Variants in TOP1 observed in about 807,000 individuals in gnomAD.
TOP1 encodes the protein DNA topoisomerase I, also known as DNA topoisomerase 1.
Under a neutral mutation model 111.1 loss-of-function variants are expected in TOP1, and 10 were observed. The observed-to-expected ratio is 0.09, with a 90% CI of 0.06 to 0.15. TOP1 has a LOEUF of 0.15. Ranked by LOEUF, TOP1 falls within the 10% of genes least tolerant of loss-of-function variation. TOP1 has a pLI of 1.00. For missense variants in TOP1, 474 were observed against 926.7 expected (o/e 0.51, Z 6.34); for synonymous variants, 271 against 302.9 (o/e 0.89, Z 1.10).
Position 41,118,439 on chromosome 20 carries a change from A to G in TOP1, c.1950+143A>G. The G allele has an allele frequency of 1.1e-6, 1 of 918,946 alleles. No individual in the cohort carries two copies. Among genetic ancestry groups the G allele is most frequent in the Non-Finnish European group, 1.6e-6 (1 of 608,008 alleles). The allele number at this position is 918,946 out of a possible 1,614,324, so 56.9% of individuals were successfully genotyped here. Reference sequence around the variant, plus strand: ...CTAAAGATAAACAAATGGAAATATGATAGTAGTTAATCTCTGATCAAGATA... The same window carrying G: ...CTAAAGATAAACAAATGGAAATATGGTAGTAGTTAATCTCTGATCAAGATA... On this transcript the variant is annotated intron_variant, in intron 18 of 20. Transcript: ENST00000361337. The surrounding 1 kb of genome is among the most constrained non-coding windows in gnomAD (Gnocchi z 4.6).
Position 41,069,195 on chromosome 20 carries a change from C to A in TOP1, c.156-6976C>A, listed in dbSNP as rs143042917. Among the ~76,000 whole-genome samples, 1 of 152,164 alleles carries A rather than the reference C, an allele frequency of 6.6e-6. No homozygotes were observed. Among genetic ancestry groups the A allele is most frequent in the Non-Finnish European group, 1.5e-5 (1 of 68,038 alleles). ...ATTTTAGGAATATGCACTTGAATTA[C>A]GCATCTAGTTCTCAGATTAGGGGAG... is the stretch of plus-strand genomic sequence containing the variant. On this transcript the variant is annotated intron_variant, in intron 3 of 20. Transcript: ENST00000361337. The surrounding 1 kb of genome is among the most constrained non-coding windows in gnomAD (Gnocchi z 4.1).
Position 41,046,393 on chromosome 20 carries a change from A to T in TOP1, c.59-15001A>T, listed in dbSNP as rs1176526039. Among the ~76,000 whole-genome samples the T allele has an allele frequency of 1.3e-5, 2 of 152,224 alleles. No homozygotes were observed. The highest frequency in any genetic ancestry group is 4.8e-5 in the African/African-American group (2 of 41,466). ...CACAGCCTGAGTTCTTAGTTGTGAT[A>T]CAAAACAAGGTAAAGGGGGACCTGG... On this transcript the variant is annotated intron_variant, in intron 2 of 20. Transcript: ENST00000361337. The surrounding 1 kb of genome is among the most constrained non-coding windows in gnomAD (Gnocchi z 4.3).
intron 2 of TOP1, among the ~76,000 whole-genome samples, chr20:41,056,756 G>A (rs2033477073): frequency 6.6e-6 from 1 of 152,136 alleles, no homozygotes; most frequent in Non-Finnish European, 1.5e-5. Context: ...TGTTGGGATT[G>A]TAAACATGAG....
At chr20:41,068,269 T>A (rs1600570247) in intron 3 of TOP1, among the ~76,000 whole-genome samples, 1 of 152,310 alleles carries the variant, frequency 6.6e-6, no homozygotes, top group South Asian at 2.1e-4. Context: ...CTATGAAAAC[T>A]TCATCTCTGT....
chr20:41,078,720 G>A lies in TOP1; in HGVS notation c.335+1083G>A, dbSNP rs1250084746. Among the ~76,000 whole-genome samples the A allele has an allele frequency of 1.3e-5, 2 of 152,166 alleles. No homozygotes were observed. Among genetic ancestry groups the A allele is most frequent in the African/African-American group, 4.8e-5 (2 of 41,436 alleles). On this transcript the variant is annotated intron_variant, in intron 5 of 20. Coordinates refer to ENST00000361337, the MANE Select transcript of TOP1 (RefSeq NM_003286.4). The surrounding 1 kb of genome is among the most constrained non-coding windows in gnomAD (Gnocchi z 5.3). ...GATATGAATAAATTTTTTGGACTTG[G>A]TGCATAGTCATGAATTCATTTTCAG...
At position 41,034,241 on chromosome 20, in the gene TOP1, T is replaced by C. The variant is rs764423257; in HGVS notation, c.58+4786T>C. On this transcript the variant is annotated intron_variant, in intron 2 of 20. Transcript: ENST00000361337. The surrounding 1 kb of genome is among the most constrained non-coding windows in gnomAD (Gnocchi z 4.0). ...GTGTTTAAAGGAAGCTTTCAGATTG[T>C]GTTTAAACTTCGAGTAGTAATATTT... Among the ~76,000 whole-genome samples the C allele has an allele frequency of 2.2e-4, 33 of 152,242 alleles. No homozygotes were observed. The highest frequency in any genetic ancestry group is 3.8e-4 in the Non-Finnish European group (26 of 68,046).
Position 41,069,687 on chromosome 20 carries a change from A to C in TOP1, c.156-6484A>C, listed in dbSNP as rs1269209902. Among the ~76,000 whole-genome samples, 1 of 152,230 alleles carries C rather than the reference A, an allele frequency of 6.6e-6. No homozygotes were observed. The highest frequency in any genetic ancestry group is 1.5e-5 in the Non-Finnish European group (1 of 68,034). On this transcript the variant is annotated intron_variant, in intron 3 of 20. Coordinates refer to ENST00000361337, the MANE Select transcript of TOP1 (RefSeq NM_003286.4). The surrounding 1 kb of genome is among the most constrained non-coding windows in gnomAD (Gnocchi z 4.1). Reference sequence around the variant, plus strand: ...AAGCCTAGTATAATATCATGCAGATAAATTGGAGCTCTTGAGTTTGGTAGT... The same window carrying C: ...AAGCCTAGTATAATATCATGCAGATCAATTGGAGCTCTTGAGTTTGGTAGT...
intron 8 of TOP1, among the ~76,000 whole-genome samples, chr20:41,085,957 A>G (rs753489814): frequency 1.3e-5 from 2 of 152,172 alleles, no homozygotes; most frequent in Non-Finnish European, 2.9e-5. Context: ...GCCTCTTTCT[A>G]GAGGTCAGAG....
intron 2 of TOP1, among the ~76,000 whole-genome samples, chr20:41,060,916 T>G (rs748483287): frequency 6.6e-6 from 1 of 152,194 alleles, no homozygotes; most frequent in Non-Finnish European, 1.5e-5. Flanking sequence ...TGCAAATGGT[T>G]GAATCTATGG....
At chr20:41,041,597 T>C (rs1295895349) in intron 2 of TOP1, among the ~76,000 whole-genome samples, 4 of 152,160 alleles carry the variant, frequency 2.6e-5, no homozygotes, top group African/African-American at 9.7e-5. Context: ...CAGTAAGTTT[T>C]CCTTGTTTTT....
Position 41,046,141 on chromosome 20 carries a change from T to G in TOP1, c.59-15253T>G, listed in dbSNP as rs1490503393. The stretch of plus-strand genomic sequence containing the variant: ...AGAAAATGAATAGGAATGAAATAAA[T>G]AGCTGATATTTGAACATTTTTAATG... On this transcript the variant is annotated intron_variant, in intron 2 of 20. Coordinates refer to ENST00000361337, the MANE Select transcript of TOP1 (RefSeq NM_003286.4). The surrounding 1 kb of genome is among the most constrained non-coding windows in gnomAD (Gnocchi z 4.3). Among the ~76,000 whole-genome samples, 1 of 152,182 alleles carries G rather than the reference T, an allele frequency of 6.6e-6. No homozygotes were observed. The highest frequency in any genetic ancestry group is 2.4e-5 in the African/African-American group (1 of 41,458).
rs964030496 is a variant in TOP1 at position 41,030,212 on chromosome 20, T to A, written c.58+757T>A. On this transcript the variant is annotated intron_variant, in intron 2 of 20. Coordinates refer to ENST00000361337, the MANE Select transcript of TOP1 (RefSeq NM_003286.4). The surrounding 1 kb of genome is among the most constrained non-coding windows in gnomAD (Gnocchi z 4.1). Reference sequence around the variant, plus strand: ...TCACCCAATGTAAATGTTGGATTTTTAAAAAATTATGTTAGTCACTGGAAC... The same window carrying A: ...TCACCCAATGTAAATGTTGGATTTTAAAAAAATTATGTTAGTCACTGGAAC... Among the ~76,000 whole-genome samples, 1 of 152,218 alleles carries A rather than the reference T, an allele frequency of 6.6e-6. No individual in the cohort carries two copies. The highest frequency in any genetic ancestry group is 2.4e-5 in the African/African-American group (1 of 41,462).
chr20:41,042,954 T>C (rs1217732751), intron 2 of TOP1, among the ~76,000 whole-genome samples: 1 of 152,162 alleles, frequency 6.6e-6, no homozygotes, highest in Non-Finnish European at 1.5e-5. Flanking sequence ...TCTTGTTGAG[T>C]AGGCTGAGGG....
At chr20:41,107,838 CT>C (rs1427703347) in intron 13 of TOP1, among the ~76,000 whole-genome samples, 1 of 152,094 alleles carries the variant, frequency 6.6e-6, no homozygotes, top group Non-Finnish European at 1.5e-5. Context: ...CTGTTCATTA[CT>C]TTTTGTCTTG....
chr20:41,052,027 T>C (rs551196246), intron 2 of TOP1, among the ~76,000 whole-genome samples: 25 of 152,324 alleles, frequency 1.6e-4, no homozygotes, highest in African/African-American at 5.8e-4. Flanking sequence ...ACTGAAATTT[T>C]CTGAGCCCAA....
chr20:41,040,888 T>C (rs923373401), intron 2 of TOP1, among the ~76,000 whole-genome samples: 3 of 151,904 alleles, frequency 2.0e-5, no homozygotes, highest in African/African-American at 7.3e-5. Flanking sequence ...TGCCTCTTAG[T>C]CTTTAGAATT....
chr20:41,078,016 T>C lies in TOP1; in HGVS notation c.335+379T>C, dbSNP rs1483477320. On this transcript the variant is annotated intron_variant, in intron 5 of 20. Transcript: ENST00000361337. This position sits in a 1 kb window ranked among gnomAD's most constrained non-coding sequence, Gnocchi z 5.3. ...CAGCCTCTTCACTAATTCCAGAACA[T>C]TTTCATTTCTCTAAAAAGAAACTTC... is the stretch of plus-strand genomic sequence containing the variant. 1.3e-5 allele frequency among the ~76,000 whole-genome samples: 2 copies of C among 151,774 alleles called. No homozygotes were observed. The highest frequency in any genetic ancestry group is 1.9e-4 in the East Asian group (1 of 5,178).
At position 41,098,623 on chromosome 20, in the gene TOP1, A is replaced by T. The variant is rs2034014809; in HGVS notation, c.975+286A>T. 3.5e-6 allele frequency: 1 copy of T among 288,660 alleles called. No homozygotes were observed. The highest frequency in any genetic ancestry group is 2.2e-5 in the African/African-American group (1 of 44,512). The allele number at this position is 288,660 out of a possible 1,614,324, so 17.9% of individuals were successfully genotyped here. A position where few individuals can be genotyped will look rare whatever the true frequency, so the allele number is the denominator to read the frequency against. ...TAATATAGTAATTAAGGATGGGCAG[A>T]CCTGTCCCACAGTGGCTACTGGATA... On this transcript the variant is annotated intron_variant, in intron 11 of 20. Transcript: ENST00000361337. This position sits in a 1 kb window ranked among gnomAD's most constrained non-coding sequence, Gnocchi z 5.7.
intron 2 of TOP1, among the ~76,000 whole-genome samples, chr20:41,044,132 C>G (rs2033302576): frequency 6.6e-6 from 1 of 152,220 alleles, no homozygotes; most frequent in Admixed American, 6.5e-5. Flanking sequence ...CAAAATTAGC[C>G]AGGCGTGGTG....
Sources: allele counts gnomAD v4.1 joint callset (sites outside exome capture counted in the v4.1 genomes callset), GRCh38; gene constraint gnomAD v4.1.1; non-coding constraint Gnocchi (gnomAD v3.1); transcripts MANE v1.5; gene names NCBI Gene and HGNC (gene_info 2026-07-23, HGNC 2026-07-21).